ABCC9: variants seen among roughly 807,000 people sequenced by gnomAD.
ABCC9 encodes the protein ATP binding cassette subfamily C member 9.
ABCC9 carries 95 observed loss-of-function variants against 188.3 expected under a neutral mutation model. That is an observed-to-expected ratio of 0.50 (90% CI 0.43 to 0.60). The LOEUF (loss-of-function observed/expected upper bound fraction) is 0.60. Ranked by LOEUF, ABCC9 falls within the 20% of genes least tolerant of loss-of-function variation. The pLI is 0.00. For synonymous variants in ABCC9, 659 were observed against 652.7 expected (o/e 1.01, Z -0.15); for missense variants, 1,102 against 1,876.3 (o/e 0.59, Z 7.62).
chr12:21,916,945 G>A lies in ABCC9; in HGVS notation c.565C>T (p.Arg189Ter), dbSNP rs779793300. 7.0e-5 allele frequency: 113 copies of A among 1,611,000 alleles called. No homozygotes were observed. Among genetic ancestry groups the A allele is most frequent in the Non-Finnish European group, 2.9e-5 (34 of 1,178,402 alleles). ...LLMAVEINVIRVRRYVFFMNP... is the reference protein window; with the variant it reads ...LLMAVEINVI ...AGCCATTAGCTACCTACCCTGACTC[G>A]AATGACATTGATCTCCACAGCCATC... The change falls in exon 6 of 40, where the codon CGA becomes TGA. Residue 189 changes from arginine to a stop codon, truncating the protein, a stop_gained. Coordinates refer to ENST00000261200, the MANE Select transcript of ABCC9 (RefSeq NM_020297.4). LOFTEE classifies it high-confidence loss of function.
At chr12:21,914,422 A>G (rs1395280379) in intron 7 of ABCC9, among the ~76,000 whole-genome samples, 2 of 152,158 alleles carry the variant, frequency 1.3e-5, no homozygotes, top group Non-Finnish European at 2.9e-5. Context: ...AGAGGAAGCC[A>G]ATTTTGACAG....
intron 30 of ABCC9, among the ~76,000 whole-genome samples, chr12:21,836,007 C>T (rs998074978): frequency 1.3e-5 from 2 of 152,300 alleles, no homozygotes; most frequent in East Asian, 3.9e-4. Flanking sequence ...ACTTCTCCCT[C>T]AACCTTACTC....
At position 21,799,609 on chromosome 12, in the gene ABCC9, C is replaced by T. The variant is rs1941338604; in HGVS notation, c.*1435G>A. On this transcript the variant is annotated 3_prime_UTR_variant, in exon 40 of 40. Coordinates refer to ENST00000261200, the MANE Select transcript of ABCC9 (RefSeq NM_020297.4). ...TAAAGATTAAATATTCAGGTGAAGA[C>T]ACATATTCTGGATACACAACTATTA... 6.6e-6 allele frequency: 1 copy of T among 152,134 alleles called. No homozygotes were observed. The highest frequency in any genetic ancestry group is 1.5e-5 in the Non-Finnish European group (1 of 68,026). 9.4% of individuals were successfully genotyped at this position (152,134 alleles called of 1,614,324 possible). A position where few individuals can be genotyped will look rare whatever the true frequency, so the allele number is the denominator to read the frequency against.
chr12:21,823,876 C>T (rs904397520), intron 31 of ABCC9, among the ~76,000 whole-genome samples: 39 of 152,312 alleles, frequency 2.6e-4, no homozygotes, highest in African/African-American at 9.1e-4. Flanking sequence ...AAAGCAAGTC[C>T]GGTGGCCAGC....
chr12:21,854,058 C>G (rs536151489), intron 22 of ABCC9, among the ~76,000 whole-genome samples: 5 of 152,346 alleles, frequency 3.3e-5, no homozygotes, highest in African/African-American at 1.2e-4. Flanking sequence ...CTACTACACA[C>G]AGGCTACATG....
chr12:21,937,095 C>T (rs1949518752), intron 2 of ABCC9, among the ~76,000 whole-genome samples: 1 of 152,118 alleles, frequency 6.6e-6, no homozygotes. Flanking sequence ...CCCATACTCA[C>T]TGAAAATGTA....
intron 2 of ABCC9, among the ~76,000 whole-genome samples, chr12:21,939,738 G>C (rs1370576749): frequency 6.6e-6 from 1 of 152,184 alleles, no homozygotes; most frequent in African/African-American, 2.4e-5. Flanking sequence ...TTTATGAGAG[G>C]TGATAGAGTT....
rs139094521 is a variant in ABCC9 at position 21,870,747 on chromosome 12, C to T, written c.2198+1878G>A. Among the ~76,000 whole-genome samples the T allele has an allele frequency of 5.5e-4, 84 of 151,712 alleles. 1 individual carries two copies. The East Asian group carries it at 0.014, about 25-fold the overall frequency. On this transcript the variant is annotated intron_variant, in intron 18 of 39. Coordinates refer to ENST00000261200, the MANE Select transcript of ABCC9 (RefSeq NM_020297.4). ...TTACAACTTCAGATGATTATTTAAA[C>T]AATATTTAAAAATTTTCTTTATCTT...
In ABCC9 at chr12:21,845,642, T is replaced by A; in HGVS notation, c.3057A>T (p.Thr1019=). The change falls in exon 26 of 40, where the codon ACA becomes ACT. Residue 1019 remains threonine, a synonymous_variant. Transcript: ENST00000261200. ...VAIDYWLATW[T]SEYSINNTGK... is the part of the protein sequence containing the mutation. ...CAGTATTGTTTATACTGTACTCCGA[T>A]GTCCATGTGGCCAGCCAATAGTCTA... 1 of 1,613,826 alleles carries A rather than the reference T, an allele frequency of 6.2e-7. No individual in the cohort carries two copies.
chr12:21,912,134 C>T (rs983005003), intron 8 of ABCC9, among the ~76,000 whole-genome samples: 9 of 151,806 alleles, frequency 5.9e-5, no homozygotes, highest in African/African-American at 1.9e-4. Context: ...GGTCAGTTCT[C>T]ATATTGCATA....
intron 5 of ABCC9, chr12:21,923,664 T>G: frequency 1.7e-6 from 1 of 578,526 alleles, no homozygotes; most frequent in Non-Finnish European, 3.1e-6. Flanking sequence ...TCTTACACCT[T>G]GTTAGTGAGT....
chr12:21,865,746 G>A (rs111380711), intron 18 of ABCC9, among the ~76,000 whole-genome samples: 1 of 152,106 alleles, frequency 6.6e-6, no homozygotes, highest in East Asian at 1.9e-4. Context: ...TTCAATAAAG[G>A]TTGGTTAAAT....
intron 30 of ABCC9, among the ~76,000 whole-genome samples, chr12:21,837,687 CT>C: frequency 6.6e-6 from 1 of 152,108 alleles, no homozygotes; most frequent in South Asian, 2.1e-4. Flanking sequence ...TTTATTTTAA[CT>C]TGTTTATTGG....
chr12:21,923,852 A>G, intron 5 of ABCC9: 1 of 700,448 alleles, frequency 1.4e-6, no homozygotes, highest in Non-Finnish European at 2.6e-6. Context: ...CATGATGGCT[A>G]AAACCTGGAA....
intron 31 of ABCC9, among the ~76,000 whole-genome samples, chr12:21,823,174 G>A (rs968101109): frequency 1.3e-5 from 2 of 152,156 alleles, no homozygotes; most frequent in African/African-American, 4.8e-5. Flanking sequence ...GCTTTTATCT[G>A]TAGAATAGTA....
At chr12:21,923,871 G>T in intron 5 of ABCC9, 1 of 696,756 alleles carries the variant, frequency 1.4e-6, no homozygotes, top group Non-Finnish European at 2.6e-6. Flanking sequence ...AAATAGTACA[G>T]ATGTCTATTA....
intron 39 of ABCC9, among the ~76,000 whole-genome samples, chr12:21,804,014 A>C (rs967868872): frequency 6.6e-6 from 1 of 151,752 alleles, no homozygotes; most frequent in South Asian, 2.1e-4. Context: ...TACCACAAGC[A>C]TGGTGGTGCT....
At position 21,871,592 on chromosome 12, in the gene ABCC9, C is replaced by T. The variant is rs545979201; in HGVS notation, c.2198+1033G>A. Among the ~76,000 whole-genome samples the T allele has an allele frequency of 1.4e-4, 22 of 152,230 alleles. 1 individual carries two copies. Among genetic ancestry groups the T allele is most frequent in the African/African-American group, 5.3e-4 (22 of 41,542 alleles). On this transcript the variant is annotated intron_variant, in intron 18 of 39. Transcript: ENST00000261200. ...GATGTCTGTGTATGTAAACAGCAAACTCAGCCACGGTGGAATTCATGATAG... is the reference window on the plus strand; with the variant it reads ...GATGTCTGTGTATGTAAACAGCAAATTCAGCCACGGTGGAATTCATGATAG...
At chr12:21,850,450 G>A (rs1944905150) in intron 24 of ABCC9, among the ~76,000 whole-genome samples, 1 of 151,972 alleles carries the variant, frequency 6.6e-6, no homozygotes, top group African/African-American at 2.4e-5. Flanking sequence ...ATTCATTCTG[G>A]CTTCTACTGG....
Sources: allele counts gnomAD v4.1 joint callset (sites outside exome capture counted in the v4.1 genomes callset), GRCh38; gene constraint gnomAD v4.1.1; transcripts MANE v1.5; gene names NCBI Gene and HGNC (gene_info 2026-07-23, HGNC 2026-07-21).